The following PRG4 variants were observed in gnomAD, a reference collection of about 807,000 sequenced individuals.
PRG4 encodes proteoglycan 4, also known as articular superficial zone protein.
In PRG4, 61 loss-of-function variants were observed where a neutral mutation model predicts 91.2. The observed-to-expected ratio is 0.67, with a 90% CI of 0.54 to 0.83. The LOEUF is 0.83. Among genes scored for constraint, PRG4 ranks in the 40% least tolerant of loss-of-function variants. The pLI is 0.00. For missense variants in PRG4, 1,564 were observed against 1,714.2 expected, an observed-to-expected ratio of 0.91 and a Z score of 1.55; for synonymous variants, 576 against 614.2, an observed-to-expected ratio of 0.94 and a Z score of 0.92.
At chr1:186,312,085 TTCCTA>T in intron 10 of PRG4, 85 bp from the exon 11 acceptor site, 1 of 1,066,442 alleles carries the variant, frequency 9.4e-7, no homozygotes, top group Non-Finnish European at 1.4e-6. Flanking sequence ...ACAAAACTGT[TTCCTA>T]TACATTGTAA....
chr1:186,309,398 A>T (rs1332454858), intron 7 of PRG4, among the ~76,000 whole-genome samples: 1 of 152,208 alleles, frequency 6.6e-6, no homozygotes, highest in East Asian at 1.9e-4. Flanking sequence ...AAGTCAAAAA[A>T]ATTTAGTTCG....
rs1261315810 is a variant in PRG4, at chr1:186,304,227, A to G, written c.439A>G (p.Lys147Glu). Residue 147 changes from lysine to glutamate, a missense_variant, in exon 5 of 13, where the codon AAA becomes GAA. Transcript: ENST00000445192. ...ACCACCAAACAAGAAGAAGACTAAG[A>G]AAGTTATAGAATCAGAGGAAATAAC... ...PKPPNKKKTKKVIESEEITEE... is the reference protein window; with the variant it reads ...PKPPNKKKTKEVIESEEITEE... 10 of 1,613,754 alleles carry G rather than the reference A, an allele frequency of 6.2e-6. No individual in the cohort carries two copies. The highest frequency in any genetic ancestry group is 8.5e-6 in the Non-Finnish European group (10 of 1,179,650).
rs114971336 is a variant in PRG4 at position 186,303,506 on chromosome 1, G to A, written c.320-602G>A. 6.0e-3 allele frequency among the ~76,000 whole-genome samples: 891 copies of A among 149,538 alleles called. 10 individuals carry two copies. Among genetic ancestry groups the A allele is most frequent in the African/African-American group, 0.021 (861 of 40,748 alleles). On this transcript the variant is annotated intron_variant, in intron 4 of 12. Transcript: ENST00000445192. Reference sequence around the variant, plus strand: ...CATGTTTTCTCTTCTAGACTGAGAAGCGGAAAAGGGAAGGGGACTAAAAGG... The same window carrying A: ...CATGTTTTCTCTTCTAGACTGAGAAACGGAAAAGGGAAGGGGACTAAAAGG...
chr1:186,306,292 T>C, intron 6 of PRG4, 26 bp from the exon 7 acceptor site: 1 of 1,510,946 alleles, frequency 6.6e-7, no homozygotes, highest in Non-Finnish European at 9.0e-7. Flanking sequence ...TATTCTAAAA[T>C]AACAAGATGT....
rs192682991 is a variant in PRG4 at position 186,301,724 on chromosome 1, G to C, written c.319+13G>C. Reference sequence around the variant, plus strand: ...TTCTGTGCAGAAGGTAAGCATCACAGTACCAACCAATGCTTCTCAGTACAG... The same window carrying C: ...TTCTGTGCAGAAGGTAAGCATCACACTACCAACCAATGCTTCTCAGTACAG... On this transcript the variant is annotated intron_variant, in intron 4 of 12. Transcript: ENST00000445192. 1.2e-6 allele frequency: 2 copies of C among 1,612,818 alleles called. No individual in the cohort carries two copies. The highest frequency in any genetic ancestry group is 2.2e-5 in the South Asian group (2 of 91,056).
intron 3 of PRG4, 59 bp downstream of exon 3, chr1:186,300,272 C>T (rs1207468730): frequency 1.4e-5 from 22 of 1,608,716 alleles, no homozygotes; most frequent in Non-Finnish European, 1.7e-5. Flanking sequence ...TGTGAGTCCC[C>T]CCTTGCACCC....
rs1656797856 is a variant in PRG4, at chr1:186,307,628, C to A, written c.1909C>A (p.Pro637Thr). Residue 637 changes from proline to threonine, a missense_variant, in exon 7 of 13, where the codon CCT (proline) becomes ACT (threonine). By Grantham distance (38) the Pro-to-Thr change is conservative. Coordinates refer to ENST00000445192, the MANE Select transcript of PRG4 (RefSeq NM_005807.6). ...CCCCGAGAAGCTCGCACCCACCACC[C>A]CTGAGAAGCCCGCACCCACCACCCC... Reference protein sequence around the residue: ...TTPEKLAPTTPEKPAPTTPEE... With the variant: ...TTPEKLAPTTTEKPAPTTPEE... 1 of 1,595,104 alleles carries A rather than the reference C, an allele frequency of 6.3e-7. No individual in the cohort carries two copies. The highest frequency in any genetic ancestry group is 1.4e-5 in the African/African-American group (1 of 71,704).
Position 186,311,440 on chromosome 1 carries a change from G to A in PRG4, c.3637G>A (p.Asp1213Asn). ...ATAATTTTCTCTTTTAAATTATCAG[G>A]ATTCTCAGTACTGGCGTTTTACCAA... ...NCEGKTFFFK[D>N]SQYWRFTNDI... The change falls in exon 10 of 13, where the codon GAT (aspartate) becomes AAT (asparagine). Residue 1213 changes from aspartate to asparagine, a missense_variant and splice_region_variant. This residue lies in a region of PRG4 where 1,079 missense variants were observed against 1,162.2 expected (regional missense o/e 0.93). Transcript: ENST00000445192. 6.2e-7 allele frequency: 1 copy of A among 1,612,554 alleles called. No individual in the cohort carries two copies. Among genetic ancestry groups the A allele is most frequent in the Non-Finnish European group, 8.5e-7 (1 of 1,178,872 alleles).
In PRG4 at chr1:186,307,825, G is replaced by A. The variant is rs138484917; in HGVS notation, c.2106G>A (p.Lys702=). 3.2e-5 allele frequency: 51 copies of A among 1,607,804 alleles called. No individual in the cohort carries two copies. In the African/African-American group the frequency reaches 5.9e-4, roughly 19 times the overall value. Residue 702 remains lysine (K), a synonymous_variant, in exon 7 of 13, where the codon AAG becomes AAA. Coordinates refer to ENST00000445192, the MANE Select transcript of PRG4 (RefSeq NM_005807.6). ...TPKEPAPTTP[K]ETAPTTPKGT... The stretch of plus-strand genomic sequence containing the variant: ...AGGAGCCTGCTCCAACTACCCCTAA[G>A]GAGACTGCTCCAACTACCCCTAAAG...
Position 186,308,672 on chromosome 1 carries a change from G to C in PRG4, c.2953G>C (p.Val985Leu), listed in dbSNP as rs1378310972. ...TLKTTTLAPK[V>L]TTTKKTITTT... ...TAAAACAACTACTCTTGCACCCAAA[G>C]TAACTACAACAAAAAAGACAATTAC... Residue 985 changes from valine (V) to leucine (L), a missense_variant, in exon 7 of 13, where the codon GTA (valine) becomes CTA (leucine). This residue lies in a region of PRG4 where 1,079 missense variants were observed against 1,162.2 expected (regional missense o/e 0.93). Coordinates refer to ENST00000445192, the MANE Select transcript of PRG4 (RefSeq NM_005807.6). The C allele has an allele frequency of 6.2e-7, 1 of 1,611,322 alleles. No homozygotes were observed. The highest frequency in any genetic ancestry group is 1.3e-5 in the African/African-American group (1 of 74,538).
Position 186,312,181 on chromosome 1 carries a change from G to A in PRG4, c.3800G>A (p.Ser1267Asn). The change falls in exon 11 of 13, where the codon AGC becomes AAC. Residue 1267 changes from serine to asparagine, a missense_variant. Ser to Asn is a conservative substitution (Grantham distance 46). Coordinates refer to ENST00000445192, the MANE Select transcript of PRG4 (RefSeq NM_005807.6). ...ATATTCTAATACATAACAGGTGGCA[G>A]CATTCAGCAGTATATTTATAAACAG... ...ESVYFFKRGGSIQQYIYKQEP... is the reference protein window; with the variant it reads ...ESVYFFKRGGNIQQYIYKQEP... 6.2e-7 allele frequency: 1 copy of A among 1,613,510 alleles called. No homozygotes were observed. Among genetic ancestry groups the A allele is most frequent in the Non-Finnish European group, 8.5e-7 (1 of 1,179,550 alleles).
intron 2 of PRG4, among the ~76,000 whole-genome samples, chr1:186,299,447 G>C (rs998261770): frequency 1.3e-5 from 2 of 152,170 alleles, no homozygotes; most frequent in African/African-American, 4.8e-5. Flanking sequence ...AAACATCTCA[G>C]GCTTAAAATA....
rs760243681 is a variant in PRG4, at chr1:186,313,967, C to A, written c.*189C>A. The A allele has an allele frequency of 1.2e-6, 2 of 1,611,212 alleles. No individual in the cohort carries two copies. Among genetic ancestry groups the A allele is most frequent in the Non-Finnish European group, 8.5e-7 (1 of 1,178,496 alleles). ...ATTCACAGTTGTTATTGTTTACAGA[C>A]CATTTAATTAATATTTCCTCTGTTT... On this transcript the variant is annotated 3_prime_UTR_variant, in exon 13 of 13. Coordinates refer to ENST00000445192, the MANE Select transcript of PRG4 (RefSeq NM_005807.6).
At position 186,308,860 on chromosome 1, in the gene PRG4, G is replaced by A. The variant is rs1656952312; in HGVS notation, c.3141G>A (p.Lys1047=). The A allele has an allele frequency of 6.2e-7, 1 of 1,613,580 alleles. No homozygotes were observed. Among genetic ancestry groups the A allele is most frequent in the Non-Finnish European group, 8.5e-7 (1 of 1,179,970 alleles). Residue 1047 remains lysine, a synonymous_variant, in exon 7 of 13, where the codon AAG becomes AAA. Coordinates refer to ENST00000445192, the MANE Select transcript of PRG4 (RefSeq NM_005807.6). ...PKTMPRVRKP[K]TTPTPRKMTS... Reference sequence around the variant, plus strand: ...CAATGCCTAGAGTGAGAAAACCAAAGACGACACCAACTCCCCGCAAGATGA... The same window carrying A: ...CAATGCCTAGAGTGAGAAAACCAAAAACGACACCAACTCCCCGCAAGATGA...
chr1:186,304,719 G>A, intron 5 of PRG4, 75 bp from the exon 6 acceptor site: 4 of 1,523,864 alleles, frequency 2.6e-6, no homozygotes, highest in Non-Finnish European at 3.6e-6. Flanking sequence ...AGCACTTCTT[G>A]CTGTGTTTAG....
Position 186,307,734 on chromosome 1 carries a change from C to T in PRG4, c.2015C>T (p.Ala672Val), listed in dbSNP as rs147683837. The change falls in exon 7 of 13, where the codon GCG becomes GTG. Residue 672 changes from alanine (A) to valine (V), a missense_variant. Physicochemically the swap from Ala to Val is moderately conservative, Grantham distance 64. Transcript: ENST00000445192. ...EEPAPTTPKAAAPNTPKEPAP... is the reference protein window; with the variant it reads ...EEPAPTTPKAVAPNTPKEPAP... ...CCTGCTCCCACCACTCCCAAGGCAG[C>T]GGCTCCCAACACCCCTAAGGAGCCT... 5.0e-4 allele frequency: 812 copies of T among 1,611,628 alleles called. 1 individual carries two copies. Among genetic ancestry groups the T allele is most frequent in the Non-Finnish European group, 6.5e-4 (762 of 1,179,392 alleles).
chr1:186,312,119 T>G, intron 10 of PRG4, 56 bp from the exon 11 acceptor site: 1 of 1,521,526 alleles, frequency 6.6e-7, no homozygotes, highest in Non-Finnish European at 9.1e-7. Flanking sequence ...TTCCACCTTT[T>G]CTGAGGGTAT....
chr1:186,305,994 A>G (rs1292211328), intron 6 of PRG4, among the ~76,000 whole-genome samples: 4 of 152,116 alleles, frequency 2.6e-5, no homozygotes, highest in Non-Finnish European at 5.9e-5. Flanking sequence ...AGAGTACAAA[A>G]AGTAGGGGGT....
chr1:186,311,739 T>G lies in PRG4; in HGVS notation c.3793+143T>G, dbSNP rs1019865046. 9 of 868,980 alleles carry G rather than the reference T, an allele frequency of 1.0e-5. No homozygotes were observed. In the Admixed American group the frequency reaches 2.4e-4, roughly 24 times the overall value. 53.8% of individuals were successfully genotyped at this position (868,980 alleles called of 1,614,324 possible). A position where few individuals can be genotyped will look rare whatever the true frequency, so the allele number is the denominator to read the frequency against. On this transcript the variant is annotated intron_variant, in intron 10 of 12. Coordinates refer to ENST00000445192, the MANE Select transcript of PRG4 (RefSeq NM_005807.6). ...CAGTGAAAAAAATCAATATTGAGGG[T>G]AGTATTCTTATTGCCCTCAATTTTT...
Sources: allele counts gnomAD v4.1 joint callset (sites outside exome capture counted in the v4.1 genomes callset), GRCh38; gene constraint gnomAD v4.1.1; regional missense constraint gnomAD v4.1.1; transcripts MANE v1.5; gene names NCBI Gene and HGNC (gene_info 2026-07-23, HGNC 2026-07-21).